OPCML: variants seen among roughly 807,000 people sequenced by gnomAD.
OPCML encodes opioid-binding protein/cell adhesion molecule.
In OPCML, 13 loss-of-function variants were observed where a neutral mutation model predicts 37.8. The ratio of observed to expected loss-of-function variants is 0.34; its 90% CI spans 0.22 to 0.55. OPCML has a LOEUF of 0.55. Ranked by LOEUF, OPCML falls within the 20% of genes least tolerant of loss-of-function variation. The pLI, the probability that OPCML is intolerant of heterozygous loss-of-function variation, is 0.91. For missense variants in OPCML, 341 were observed against 435.6 expected, an observed-to-expected ratio of 0.78 and a Z score of 1.93; for synonymous variants, 176 against 168.8, an observed-to-expected ratio of 1.04 and a Z score of -0.33.
At chr11:132,487,901 G>T (rs1372860099) in intron 4 of OPCML, among the ~76,000 whole-genome samples, 2 of 152,102 alleles carry the variant, frequency 1.3e-5, no homozygotes, top group Admixed American at 1.3e-4. Context: ...TTACTTCTAT[G>T]CCTTGAATAT....
rs552256047 is a variant in OPCML at position 132,823,108 on chromosome 11, C to T, written c.146+119818G>A. Among the ~76,000 whole-genome samples, 5 of 152,256 alleles carry T rather than the reference C, an allele frequency of 3.3e-5. No homozygotes were observed. The South Asian group carries it at 1.0e-3, about 32-fold the overall frequency. On this transcript the variant is annotated intron_variant, in intron 2 of 7. Transcript: ENST00000524381. ...TATCTCAAAAGAATACCTTACCTTACTTTTAGGACTTCAGAGGGCACCTGA... is the reference window on the plus strand; with the variant it reads ...TATCTCAAAAGAATACCTTACCTTATTTTTAGGACTTCAGAGGGCACCTGA...
chr11:133,326,279 G>A (rs1943447038), intron 1 of OPCML, among the ~76,000 whole-genome samples: 1 of 115,344 alleles, frequency 8.7e-6, no homozygotes, highest in African/African-American at 4.2e-5. Flanking sequence ...GTATGTGTGT[G>A]GGGGTGTGGG....
chr11:132,570,436 C>T (rs1485113421), intron 3 of OPCML, among the ~76,000 whole-genome samples: 1 of 152,016 alleles, frequency 6.6e-6, no homozygotes, highest in Non-Finnish European at 1.5e-5. Context: ...CTAAGGTCCT[C>T]ATCTTCAGGA....
chr11:133,399,313 G>A (rs1407749601), intron 1 of OPCML, among the ~76,000 whole-genome samples: 2 of 152,142 alleles, frequency 1.3e-5, no homozygotes, highest in Non-Finnish European at 2.9e-5. Context: ...GCCTGGGTTT[G>A]AGCTCAGCAC....
intron 1 of OPCML, among the ~76,000 whole-genome samples, chr11:133,220,202 C>T (rs901976714): frequency 3.9e-5 from 6 of 152,124 alleles, no homozygotes; most frequent in Non-Finnish European, 7.3e-5. Flanking sequence ...CAGGTGTGCA[C>T]CAGACACCAG....
intron 7 of OPCML, among the ~76,000 whole-genome samples, chr11:132,434,806 A>T (rs1489718848): frequency 6.6e-6 from 1 of 152,180 alleles, no homozygotes; most frequent in Admixed American, 6.5e-5. Flanking sequence ...CCACTGAGAC[A>T]GTTATCTATT....
At chr11:132,780,122 G>A (rs1012210878) in intron 2 of OPCML, among the ~76,000 whole-genome samples, 6 of 152,126 alleles carry the variant, frequency 3.9e-5, no homozygotes, top group African/African-American at 4.8e-5. Flanking sequence ...AAAACACATC[G>A]TCAGGTCTTA....
chr11:133,205,524 G>A lies in OPCML; in HGVS notation c.62-262514C>T, dbSNP rs1453719394. Among the ~76,000 whole-genome samples the A allele has an allele frequency of 1.3e-5, 2 of 152,214 alleles. No homozygotes were observed. The highest frequency in any genetic ancestry group is 2.9e-5 in the Non-Finnish European group (2 of 68,054). On this transcript the variant is annotated intron_variant, in intron 1 of 7. Coordinates refer to ENST00000524381, the MANE Select transcript of OPCML (RefSeq NM_001012393.5). This position sits in a 1 kb window ranked among gnomAD's most constrained non-coding sequence, Gnocchi z 4.8. ...CCTGAAGTGGGAGGCAGTGCTGTGGGCTGAGCCTCACCCTATGGGGACTGA... is the reference window on the plus strand; with the variant it reads ...CCTGAAGTGGGAGGCAGTGCTGTGGACTGAGCCTCACCCTATGGGGACTGA...
At chr11:132,607,176 C>CTGT (rs992848969) in intron 3 of OPCML, among the ~76,000 whole-genome samples, 4 of 152,206 alleles carry the variant, frequency 2.6e-5, no homozygotes, top group Admixed American at 6.5e-5. Flanking sequence ...TACTGATTTT[C>CTGT]TGTTGTTGTT....
chr11:132,678,574 C>T (rs1264034590), intron 2 of OPCML, among the ~76,000 whole-genome samples: 2 of 152,004 alleles, frequency 1.3e-5, no homozygotes, highest in East Asian at 3.9e-4. Flanking sequence ...AAGAAATGAG[C>T]CACAAAAAGA....
At chr11:133,077,037 G>T (rs150329800) in intron 1 of OPCML, among the ~76,000 whole-genome samples, 344 of 152,202 alleles carry the variant, frequency 2.3e-3, no homozygotes, top group Non-Finnish European at 3.6e-3. Flanking sequence ...ACTGCAGGTG[G>T]CCGAGGCCTT....
intron 2 of OPCML, among the ~76,000 whole-genome samples, chr11:132,752,222 T>C (rs1379994900): frequency 2.0e-5 from 3 of 151,724 alleles, no homozygotes; most frequent in Admixed American, 6.6e-5. Flanking sequence ...TATTTTGAAG[T>C]TTGTTGCCAC....
intron 2 of OPCML, among the ~76,000 whole-genome samples, chr11:132,780,547 A>G (rs1946972984): frequency 6.6e-6 from 1 of 152,224 alleles, no homozygotes; most frequent in Non-Finnish European, 1.5e-5. Flanking sequence ...CAGGAAAGAT[A>G]CCGATTAAAA....
At chr11:132,731,307 A>G (rs746598307) in intron 2 of OPCML, among the ~76,000 whole-genome samples, 3 of 152,218 alleles carry the variant, frequency 2.0e-5, no homozygotes, top group Non-Finnish European at 4.4e-5. Context: ...ATATGGACCC[A>G]AACCAAATAG....
intron 3 of OPCML, among the ~76,000 whole-genome samples, chr11:132,574,180 T>G (rs1203719515): frequency 6.6e-6 from 1 of 151,618 alleles, no homozygotes; most frequent in Non-Finnish European, 1.5e-5. Flanking sequence ...AAAAGGCAAT[T>G]CTTAGTTTCA....
chr11:133,348,233 C>A (rs971932723), intron 1 of OPCML, among the ~76,000 whole-genome samples: 1 of 152,158 alleles, frequency 6.6e-6, no homozygotes, highest in Non-Finnish European at 1.5e-5. Context: ...CCACTGCAAA[C>A]GAGAGCCATT....
chr11:133,341,113 A>ACTC (rs1943860127), intron 1 of OPCML, among the ~76,000 whole-genome samples: 1 of 151,914 alleles, frequency 6.6e-6, no homozygotes, highest in Non-Finnish European at 1.5e-5. Flanking sequence ...TTCTTGTGGG[A>ACTC]CTCTGTCAAT....
At chr11:132,461,756 T>C (rs1275768567) in intron 4 of OPCML, among the ~76,000 whole-genome samples, 1 of 152,114 alleles carries the variant, frequency 6.6e-6, no homozygotes, top group Non-Finnish European at 1.5e-5. Flanking sequence ...TCAAGAAATT[T>C]ACAATCATGG....
chr11:132,729,077 G>A (rs1266473978), intron 2 of OPCML, among the ~76,000 whole-genome samples: 2 of 152,174 alleles, frequency 1.3e-5, no homozygotes, highest in African/African-American at 4.8e-5. Context: ...TGGTTAGGGG[G>A]TCAAGAAGTA....
Sources: allele counts gnomAD v4.1 joint callset (sites outside exome capture counted in the v4.1 genomes callset), GRCh38; gene constraint gnomAD v4.1.1; non-coding constraint Gnocchi (gnomAD v3.1); transcripts MANE v1.5; gene names NCBI Gene and HGNC (gene_info 2026-07-23, HGNC 2026-07-21).